Variants in RPSA2 observed in about 807,000 individuals in gnomAD.
RPSA2 encodes small ribosomal subunit protein uS2B.
chr19:23,791,990 G>A, the RPSA2 span, among the ~76,000 whole-genome samples: 2 of 152,038 alleles, frequency 1.3e-5, no homozygotes, highest in African/African-American at 4.8e-5. Context: ...CCAAAATGCT[G>A]GGATTACAGG....
the RPSA2 span, among the ~76,000 whole-genome samples, chr19:23,866,905 A>T: frequency 6.6e-6 from 1 of 152,218 alleles, no homozygotes; most frequent in Non-Finnish European, 1.5e-5. Flanking sequence ...CTTGCAAGGC[A>T]TCACTGTAGT....
the RPSA2 span, among the ~76,000 whole-genome samples, chr19:23,865,360 C>T: frequency 6.6e-6 from 1 of 152,116 alleles, no homozygotes; most frequent in Non-Finnish European, 1.5e-5. Context: ...ACACATAACC[C>T]ATTGTTTCCA....
At chr19:23,855,433 C>A in the RPSA2 span, among the ~76,000 whole-genome samples, 1 of 152,106 alleles carries the variant, frequency 6.6e-6, no homozygotes, top group Non-Finnish European at 1.5e-5. Context: ...CTTTTAAAAA[C>A]GTAAGATTGA....
chr19:23,809,443 G>C, the RPSA2 span: 1 of 151,564 alleles, frequency 6.6e-6, no homozygotes, highest in South Asian at 2.1e-4. Context: ...ATTGAATCTA[G>C]AGATCACTTT....
chr19:23,828,039 A>T, the RPSA2 span: 1 of 641,830 alleles, frequency 1.6e-6, no homozygotes, highest in Non-Finnish European at 2.7e-6. Flanking sequence ...GCAACCACTG[A>T]CTGGTCTTAA....
the RPSA2 span, among the ~76,000 whole-genome samples, chr19:23,820,873 C>T: frequency 3.3e-5 from 5 of 152,182 alleles, no homozygotes; most frequent in Admixed American, 6.5e-5. Context: ...ACTGCATACC[C>T]GGCCCATTGG....
the RPSA2 span, among the ~76,000 whole-genome samples, chr19:23,825,591 A>C: frequency 6.6e-6 from 1 of 151,084 alleles, no homozygotes; most frequent in African/African-American, 2.4e-5. Context: ...ATCATAAAAT[A>C]CTCTTTTTTT....
the RPSA2 span, chr19:23,808,742 C>T: frequency 1.3e-6 from 1 of 795,780 alleles, no homozygotes; most frequent in Non-Finnish European, 2.0e-6. Flanking sequence ...TAAGCCAGAC[C>T]TGATCACCTA....
the RPSA2 span, chr19:23,832,602 C>T: frequency 3.9e-6 from 5 of 1,289,170 alleles, no homozygotes; most frequent in Non-Finnish European, 5.2e-6. Flanking sequence ...TACCTTACTA[C>T]ACATAAGGTA....
the RPSA2 span, chr19:23,842,405 T>C: frequency 3.3e-5 from 5 of 152,388 alleles, no homozygotes; most frequent in African/African-American, 1.2e-4. Flanking sequence ...AGAGAATCTT[T>C]CTCTGTTAAG....
chr19:23,782,400 G>C, the RPSA2 span: 3 of 152,152 alleles, frequency 2.0e-5, no homozygotes, highest in East Asian at 5.8e-4. Flanking sequence ...GCTGGGCCTA[G>C]CACTAAGATG....
chr19:23,828,125 A>AAAAAG, the RPSA2 span: 164 of 571,254 alleles, frequency 2.9e-4, 1 homozygote, highest in South Asian at 3.7e-4. Flanking sequence ...TAAAAAAAAA[A>AAAAAG]AAAAAAAAAA....
the RPSA2 span, chr19:23,808,068 T>G: frequency 1.1e-5 from 2 of 186,258 alleles, no homozygotes; most frequent in African/African-American, 2.4e-5. Flanking sequence ...TTTGTCTGTT[T>G]AGAAAAGAAT....
the RPSA2 span, among the ~76,000 whole-genome samples, chr19:23,791,499 T>G: frequency 6.6e-6 from 1 of 152,176 alleles, no homozygotes; most frequent in South Asian, 2.1e-4. Context: ...TGCCTGCCAC[T>G]TAATTATTTT....
chr19:23,787,352 C>T, the RPSA2 span, among the ~76,000 whole-genome samples: 4 of 151,944 alleles, frequency 2.6e-5, no homozygotes, highest in Non-Finnish European at 5.9e-5. Context: ...CCTGTAATCC[C>T]AGTACTTTGG....
the RPSA2 span, among the ~76,000 whole-genome samples, chr19:23,810,310 C>T: frequency 0.043 from 6,113 of 143,808 alleles, 157 homozygotes; most frequent in Non-Finnish European, 0.056. Flanking sequence ...AGGAGAATGG[C>T]GTGAACCTGG....
At chr19:23,848,525 A>C in the RPSA2 span, among the ~76,000 whole-genome samples, 1 of 152,220 alleles carries the variant, frequency 6.6e-6, no homozygotes, top group African/African-American at 2.4e-5. Context: ...ACAATGTATA[A>C]ACCAGCTTGA....
the RPSA2 span, among the ~76,000 whole-genome samples, chr19:23,853,090 G>T: frequency 6.6e-6 from 1 of 152,212 alleles, no homozygotes; most frequent in African/African-American, 2.4e-5. Flanking sequence ...GCTGGCAGAT[G>T]GTAGGGCTAT....
the RPSA2 span, among the ~76,000 whole-genome samples, chr19:23,824,827 A>T: frequency 1.5e-4 from 22 of 150,256 alleles, no homozygotes; most frequent in South Asian, 2.9e-3. Flanking sequence ...TTGGTTAGAA[A>T]TTTTTTTTTA....
Sources: allele counts gnomAD v4.1 joint callset (sites outside exome capture counted in the v4.1 genomes callset), GRCh38; gene constraint gnomAD v4.1.1; transcripts MANE v1.5; gene names NCBI Gene and HGNC (gene_info 2026-07-23, HGNC 2026-07-21).